The following STARD13 variants were observed in gnomAD, a reference collection of about 807,000 sequenced individuals.
STARD13 encodes StAR related lipid transfer domain containing 13, also known as stAR-related lipid transfer protein 13.
In STARD13, 62 loss-of-function variants were observed where a neutral mutation model predicts 106.4. The ratio of observed to expected loss-of-function variants is 0.58; its 90% CI spans 0.48 to 0.72. The LOEUF is 0.72. Among genes scored for constraint, STARD13 ranks in the 30% least tolerant of loss-of-function variants. The probability of loss-of-function intolerance (pLI) is 0.00; values close to 1 mark genes in which losing one functional copy is unlikely to be tolerated. For missense variants in STARD13, 1,387 were observed against 1,424.0 expected, an observed-to-expected ratio of 0.97 and a Z score of 0.42; for synonymous variants, 565 against 553.0, an observed-to-expected ratio of 1.02 and a Z score of -0.31.
At chr13:33,322,730 T>C (rs927065547) in intron 1 of STARD13, among the ~76,000 whole-genome samples, 1 of 152,198 alleles carries the variant, frequency 6.6e-6, no homozygotes, top group Middle Eastern at 3.2e-3. Context: ...AAGCCAGGAC[T>C]TCAGAAGTTA....
At chr13:33,217,992 T>TAC (rs371803845) in intron 1 of STARD13, among the ~76,000 whole-genome samples, 15 of 151,318 alleles carry the variant, frequency 9.9e-5, no homozygotes, top group Non-Finnish European at 1.3e-4. Context: ...TACACACACA[T>TAC]ACACACACAC....
At chr13:33,197,457 A>G (rs1206463436) in intron 1 of STARD13, among the ~76,000 whole-genome samples, 1 of 140,432 alleles carries the variant, frequency 7.1e-6, no homozygotes, top group Non-Finnish European at 1.6e-5. Flanking sequence ...TTTTCAATAG[A>G]CCTCTTAAGC....
chr13:33,333,781 A>G (rs931680310), intron 1 of STARD13: 5 of 152,372 alleles, frequency 3.3e-5, no homozygotes, highest in Non-Finnish European at 1.5e-5. Context: ...GTAAGGTACC[A>G]TCTTTTCTCC....
chr13:33,519,229 T>C, the STARD13 span, among the ~76,000 whole-genome samples: 155 of 148,484 alleles, frequency 1.0e-3, 1 homozygote, highest in African/African-American at 3.7e-3. Flanking sequence ...TCTTTCTTTC[T>C]TTCTTTCTTT....
the STARD13 span, among the ~76,000 whole-genome samples, chr13:33,422,021 T>G: frequency 1.4e-5 from 2 of 144,784 alleles, no homozygotes; most frequent in Admixed American, 1.3e-4. Flanking sequence ...AAGCATTCCC[T>G]CTGAAAACCA....
the STARD13 span, among the ~76,000 whole-genome samples, chr13:33,669,296 T>A: frequency 2.0e-5 from 3 of 152,112 alleles, no homozygotes; most frequent in African/African-American, 7.2e-5. Context: ...ACTAAGTAGA[T>A]AAATGTAGTT....
chr13:33,437,679 G>A, the STARD13 span, among the ~76,000 whole-genome samples: 8 of 152,108 alleles, frequency 5.3e-5, no homozygotes, highest in African/African-American at 1.9e-4. Flanking sequence ...CCAAACTTAT[G>A]GACTGCTTTG....
chr13:33,550,476 C>T, the STARD13 span, among the ~76,000 whole-genome samples: 1 of 152,190 alleles, frequency 6.6e-6, no homozygotes, highest in Non-Finnish European at 1.5e-5. Context: ...AATGCCGAAA[C>T]AGTGATGTTT....
At chr13:33,429,425 G>A in the STARD13 span, among the ~76,000 whole-genome samples, 8 of 151,776 alleles carry the variant, frequency 5.3e-5, no homozygotes, top group African/African-American at 1.5e-4. Context: ...TGAAACCCCG[G>A]TTCTACTAAA....
Position 33,165,329 on chromosome 13 carries a change from T to A in STARD13, c.323+8A>T. 6.2e-7 allele frequency: 1 copy of A among 1,604,812 alleles called. No individual in the cohort carries two copies. Among genetic ancestry groups the A allele is most frequent in the South Asian group, 1.1e-5 (1 of 90,874 alleles). ...TGGAAAGAAACAAAAATACTTCACA[T>A]GGTTTACCTGCAAAGAGGTTCTACA... is the stretch of plus-strand genomic sequence containing the variant. On this transcript the variant is annotated splice_region_variant and intron_variant, in intron 3 of 13. Coordinates refer to ENST00000336934, the MANE Select transcript of STARD13 (RefSeq NM_178006.4).
chr13:33,631,401 G>A, the STARD13 span, among the ~76,000 whole-genome samples: 3 of 152,214 alleles, frequency 2.0e-5, no homozygotes, highest in Admixed American at 2.0e-4. Flanking sequence ...TTAAGAGTAT[G>A]ATTTCCATTT....
the STARD13 span, among the ~76,000 whole-genome samples, chr13:33,578,905 G>A: frequency 3.2e-4 from 49 of 152,100 alleles, no homozygotes; most frequent in African/African-American, 1.1e-3. Context: ...AAAATGCTCA[G>A]CGTCACTAAT....
chr13:33,335,614 G>T (rs1003328625), intron 1 of STARD13, among the ~76,000 whole-genome samples: 1 of 152,206 alleles, frequency 6.6e-6, no homozygotes, highest in Non-Finnish European at 1.5e-5. Flanking sequence ...CCTAAAGTAG[G>T]TTAGTAACGG....
At chr13:33,153,447 A>G (rs1881554311) in intron 3 of STARD13, among the ~76,000 whole-genome samples, 2 of 152,144 alleles carry the variant, frequency 1.3e-5, no homozygotes, top group Non-Finnish European at 2.9e-5. Context: ...ACCAGGAAGA[A>G]GGACCAGAGA....
At chr13:33,638,014 G>T in the STARD13 span, among the ~76,000 whole-genome samples, 8 of 152,168 alleles carry the variant, frequency 5.3e-5, no homozygotes, top group Admixed American at 5.2e-4. Context: ...CACTTGATTT[G>T]CTTCAGTCAT....
intron 1 of STARD13, among the ~76,000 whole-genome samples, chr13:33,209,827 G>T (rs1887621483): frequency 6.6e-6 from 1 of 151,952 alleles, no homozygotes; most frequent in African/African-American, 2.4e-5. Context: ...ATAAAAATTA[G>T]CCAGGCATGG....
At position 33,254,403 on chromosome 13, in the gene STARD13, T is replaced by C. The variant is rs77684475; in HGVS notation, c.169+31067A>G. On this transcript the variant is annotated intron_variant, in intron 1 of 13. Coordinates refer to ENST00000336934, the MANE Select transcript of STARD13 (RefSeq NM_178006.4). ...GTCATTATTGCTGATTTGTTGAGTATTGTTTTAGGCCTCTCAATCCCTTCA... is the reference window on the plus strand; with the variant it reads ...GTCATTATTGCTGATTTGTTGAGTACTGTTTTAGGCCTCTCAATCCCTTCA... 4.3e-3 allele frequency among the ~76,000 whole-genome samples: 654 copies of C among 152,316 alleles called. 5 individuals are homozygous for C. The highest frequency in any genetic ancestry group is 0.04 in the East Asian group (205 of 5,178).
At chr13:33,150,900 G>A (rs1402578327) in intron 3 of STARD13, among the ~76,000 whole-genome samples, 1 of 152,170 alleles carries the variant, frequency 6.6e-6, no homozygotes, top group Non-Finnish European at 1.5e-5. Flanking sequence ...TCGTTCATCC[G>A]ACAGTGCGCT....
chr13:33,114,434 C>G (rs1204411839), intron 8 of STARD13, among the ~76,000 whole-genome samples: 1 of 152,178 alleles, frequency 6.6e-6, no homozygotes, highest in Non-Finnish European at 1.5e-5. Context: ...CTTCAGTGGT[C>G]TGAAACCCGT....
Sources: allele counts gnomAD v4.1 joint callset (sites outside exome capture counted in the v4.1 genomes callset), GRCh38; gene constraint gnomAD v4.1.1; transcripts MANE v1.5; gene names NCBI Gene and HGNC (gene_info 2026-07-23, HGNC 2026-07-21).